KCNN2: variants seen among roughly 807,000 people sequenced by gnomAD.
KCNN2 encodes the protein potassium calcium-activated channel subfamily N member 2.
KCNN2 carries 24 observed loss-of-function variants against 55.5 expected under a neutral mutation model. The ratio of observed to expected loss-of-function variants is 0.43; its 90% CI spans 0.31 to 0.61. The LOEUF is 0.61. Among genes scored for constraint, KCNN2 ranks in the 20% least tolerant of loss-of-function variants. KCNN2 has a pLI of 0.08. For missense variants in KCNN2, 754 were observed against 853.6 expected, an observed-to-expected ratio of 0.88 and a Z score of 1.45; for synonymous variants, 431 against 336.1, an observed-to-expected ratio of 1.28 and a Z score of -3.09.
intron 1 of KCNN2, among the ~76,000 whole-genome samples, chr5:114,123,876 T>A (rs952540048): frequency 6.6e-6 from 1 of 152,220 alleles, no homozygotes; most frequent in Non-Finnish European, 1.5e-5. Flanking sequence ...CCTTGGTTTC[T>A]TGATGCTCTT....
intron 3 of KCNN2, among the ~76,000 whole-genome samples, chr5:114,420,574 A>C (rs146444125): frequency 1.4e-3 from 207 of 152,338 alleles, no homozygotes; most frequent in African/African-American, 4.5e-3. Context: ...TTTGCCTGCT[A>C]TCTCTCTTAA....
At chr5:114,214,090 A>G (rs1753949405) in intron 1 of KCNN2, among the ~76,000 whole-genome samples, 3 of 152,026 alleles carry the variant, frequency 2.0e-5, no homozygotes, top group Non-Finnish European at 2.9e-5. Context: ...TAAATACATA[A>G]TGTCAGGATT....
chr5:114,306,815 C>T (rs371895229), intron 2 of KCNN2, among the ~76,000 whole-genome samples: 7 of 151,718 alleles, frequency 4.6e-5, no homozygotes, highest in African/African-American at 1.5e-4. Context: ...ACTCTTCTGC[C>T]TCAGCCTCCT....
intron 2 of KCNN2, among the ~76,000 whole-genome samples, chr5:114,237,282 A>C (rs544159966): frequency 1.8e-4 from 27 of 150,926 alleles, no homozygotes; most frequent in African/African-American, 6.6e-4. Flanking sequence ...ACACACACAC[A>C]CACACACACT....
chr5:114,240,324 A>G (rs1580650412), intron 2 of KCNN2, among the ~76,000 whole-genome samples: 1 of 151,988 alleles, frequency 6.6e-6, no homozygotes, highest in Non-Finnish European at 1.5e-5. Context: ...AGCTTATAAA[A>G]TAAGAATAGA....
chr5:114,376,341 C>T (rs2150053916), intron 2 of KCNN2, among the ~76,000 whole-genome samples: 1 of 152,318 alleles, frequency 6.6e-6, no homozygotes, highest in African/African-American at 2.4e-5. Flanking sequence ...CTCAGTGGGC[C>T]TGCATCTGCT....
intron 1 of KCNN2, among the ~76,000 whole-genome samples, chr5:114,071,886 G>A (rs891664028): frequency 2.0e-4 from 31 of 152,342 alleles, no homozygotes; most frequent in African/African-American, 7.2e-4. Flanking sequence ...AACAGTGTTG[G>A]GAGGTGGGGC....
chr5:114,418,921 C>A (rs1052469287), intron 3 of KCNN2, among the ~76,000 whole-genome samples: 1 of 152,194 alleles, frequency 6.6e-6, no homozygotes, highest in Non-Finnish European at 1.5e-5. Flanking sequence ...GAGTTTTAAA[C>A]CCCCACGTTT....
At chr5:114,149,672 A>C (rs13174808) in intron 1 of KCNN2, among the ~76,000 whole-genome samples, 64,252 of 151,986 alleles carry the variant, frequency 0.42, 14,705 homozygotes, top group Middle Eastern at 0.55. Context: ...TTAGAATTTA[A>C]AATATAGTGT....
chr5:114,342,506 A>G (rs1757034944), intron 2 of KCNN2, among the ~76,000 whole-genome samples: 1 of 152,196 alleles, frequency 6.6e-6, no homozygotes. Flanking sequence ...CCCTCCAGAA[A>G]GATTTCATAG....
At chr5:114,078,799 G>T (rs1470734440) in intron 1 of KCNN2, among the ~76,000 whole-genome samples, 1 of 152,152 alleles carries the variant, frequency 6.6e-6, no homozygotes, top group Non-Finnish European at 1.5e-5. Flanking sequence ...AGATCATACT[G>T]CCAGAGGTTT....
At chr5:114,351,670 G>T (rs1282802116) in intron 2 of KCNN2, among the ~76,000 whole-genome samples, 1 of 151,616 alleles carries the variant, frequency 6.6e-6, no homozygotes, top group African/African-American at 2.4e-5. Flanking sequence ...TATCATGAAA[G>T]AGTTTTGGAT....
intron 1 of KCNN2, among the ~76,000 whole-genome samples, chr5:114,164,836 C>T (rs1236265473): frequency 6.6e-6 from 1 of 152,078 alleles, no homozygotes; most frequent in Non-Finnish European, 1.5e-5. Context: ...GCTTTTTATA[C>T]TAAGATTTAT....
At chr5:114,272,428 C>CATATCATACACACACATGTAT (rs1561549162) in intron 2 of KCNN2, among the ~76,000 whole-genome samples, 2 of 20,426 alleles carry the variant, frequency 9.8e-5, no homozygotes, top group African/African-American at 2.1e-4. Context: ...CACATATGTA[C>CATATCATACACACACATGTAT]GTACATATCA....
intron 1 of KCNN2, among the ~76,000 whole-genome samples, chr5:114,094,667 A>G (rs546546912): frequency 2.0e-5 from 3 of 152,218 alleles, no homozygotes. Context: ...CAGCTGCTTC[A>G]TAAGTGAATT....
chr5:114,488,481 AT>A (rs1277739947), intron 6 of KCNN2, among the ~76,000 whole-genome samples: 1 of 152,204 alleles, frequency 6.6e-6, no homozygotes, highest in African/African-American at 2.4e-5. Context: ...AGAAAGGAAC[AT>A]TATATTCCAT....
chr5:114,332,602 G>A (rs1756845118), intron 2 of KCNN2, among the ~76,000 whole-genome samples: 1 of 152,074 alleles, frequency 6.6e-6, no homozygotes, highest in Non-Finnish European at 1.5e-5. Flanking sequence ...GTGGTCCTGG[G>A]CTTCTGTCTG....
At chr5:114,487,693 C>T (rs939543950) in intron 6 of KCNN2, among the ~76,000 whole-genome samples, 1 of 152,110 alleles carries the variant, frequency 6.6e-6, no homozygotes, top group African/African-American at 2.4e-5. Flanking sequence ...TTAAGTCCTT[C>T]GTTCTGTTCC....
chr5:114,366,721 T>C (rs1757612953), intron 2 of KCNN2, among the ~76,000 whole-genome samples: 1 of 152,194 alleles, frequency 6.6e-6, no homozygotes, highest in Non-Finnish European at 1.5e-5. Context: ...CTTTTTTACT[T>C]ATTGATGTCA....
Sources: allele counts gnomAD v4.1 joint callset (sites outside exome capture counted in the v4.1 genomes callset), GRCh38; gene constraint gnomAD v4.1.1; transcripts MANE v1.5; gene names NCBI Gene and HGNC (gene_info 2026-07-23, HGNC 2026-07-21).